The following ZNF618 variants were observed in gnomAD, a reference collection of about 807,000 sequenced individuals.
ZNF618 encodes neural precursor cell expressed, developmentally down-regulated 10.
ZNF618 carries 34 observed loss-of-function variants against 103.0 expected under a neutral mutation model. That is an observed-to-expected ratio of 0.33 (90% CI 0.25 to 0.44). The LOEUF (loss-of-function observed/expected upper bound fraction) is 0.44. ZNF618 is among the 20% of genes least tolerant of loss of function. The pLI is 1.00. For missense variants in ZNF618, 1,059 were observed against 1,295.4 expected, an observed-to-expected ratio of 0.82 and a Z score of 2.80; for synonymous variants, 551 against 542.2, an observed-to-expected ratio of 1.02 and a Z score of -0.23.
Position 114,002,091 on chromosome 9 carries a change from G to C in ZNF618, c.511+18G>C. 2.5e-6 allele frequency: 4 copies of C among 1,609,778 alleles called. No homozygotes were observed. Among genetic ancestry groups the C allele is most frequent in the Non-Finnish European group, 3.4e-6 (4 of 1,178,558 alleles). On this transcript the variant is annotated intron_variant, in intron 5 of 14. Coordinates refer to ENST00000374126, the MANE Select transcript of ZNF618 (RefSeq NM_001318042.2). ...GCACCGAGGTGAGAGGAGTGTCCCT[G>C]GGGCAGAGCCCAGGGGCCGCACCTC...
intron 9 of ZNF618, among the ~76,000 whole-genome samples, chr9:114,014,201 A>G (rs567616406): frequency 6.6e-6 from 1 of 152,368 alleles, no homozygotes; most frequent in Non-Finnish European, 1.5e-5. Context: ...TTGTAAAACC[A>G]AATCAATTAT....
intron 1 of ZNF618, among the ~76,000 whole-genome samples, chr9:113,962,003 C>T (rs866020013): frequency 7.2e-5 from 11 of 152,258 alleles, no homozygotes; most frequent in Non-Finnish European, 1.2e-4. Flanking sequence ...AAGCCACTGG[C>T]GGTGGTATGA....
intron 1 of ZNF618, among the ~76,000 whole-genome samples, chr9:113,916,053 C>T (rs1422840827): frequency 6.8e-6 from 1 of 147,668 alleles, no homozygotes; most frequent in East Asian, 2.0e-4. Context: ...GTGGGCCATT[C>T]TGAGACATGC....
intron 1 of ZNF618, among the ~76,000 whole-genome samples, chr9:113,878,170 TG>T (rs985748884): frequency 5.1e-5 from 5 of 97,926 alleles, no homozygotes; most frequent in Admixed American, 5.0e-4. Context: ...TTGATCATTT[TG>T]GGGGGTTTGT....
At chr9:113,979,839 C>T (rs1390905945) in intron 2 of ZNF618, among the ~76,000 whole-genome samples, 2 of 152,156 alleles carry the variant, frequency 1.3e-5, no homozygotes, top group Non-Finnish European at 2.9e-5. Flanking sequence ...CAGAGTACAC[C>T]GAGTGGGTAA....
At position 114,047,944 on chromosome 9, in the gene ZNF618, T is replaced by C; in HGVS notation, c.1298T>C (p.Val433Ala). Residue 433 changes from valine to alanine, a missense_variant, in exon 14 of 15, where the codon GTT becomes GCT. By Grantham distance (64) the Val-to-Ala change is moderately conservative. Transcript: ENST00000374126. Reference sequence around the variant, plus strand: ...AACCAGTCCCGATCGCCACCTGCTGTTGTAGAAGAGAAGTGGAAACCTCAG... The same window carrying C: ...AACCAGTCCCGATCGCCACCTGCTGCTGTAGAAGAGAAGTGGAAACCTCAG... ...ASNQSRSPPA[V>A]VEEKWKPQAQ... 6.2e-7 allele frequency: 1 copy of C among 1,602,366 alleles called. No homozygotes were observed. Among genetic ancestry groups the C allele is most frequent in the South Asian group, 1.1e-5 (1 of 88,060 alleles).
chr9:113,892,117 T>A (rs994035658), intron 1 of ZNF618, among the ~76,000 whole-genome samples: 9 of 152,078 alleles, frequency 5.9e-5, no homozygotes, highest in African/African-American at 9.7e-5. Context: ...TTTTGTAAAA[T>A]GAAAAAGTTG....
chr9:114,028,997 A>C (rs1165222468), intron 11 of ZNF618, 25 bp downstream of exon 11: 1 of 1,540,912 alleles, frequency 6.5e-7, no homozygotes, highest in African/African-American at 1.4e-5. Context: ...TGTGACCCCC[A>C]CACTTTCTCC....
intron 1 of ZNF618, among the ~76,000 whole-genome samples, chr9:113,941,965 CT>C (rs1346458493): frequency 6.6e-6 from 1 of 152,248 alleles, no homozygotes; most frequent in Non-Finnish European, 1.5e-5. Flanking sequence ...TCCAGACTCA[CT>C]TTCCTCCTCT....
At chr9:113,904,598 CACTT>C (rs1333666148) in intron 1 of ZNF618, among the ~76,000 whole-genome samples, 1 of 152,198 alleles carries the variant, frequency 6.6e-6, no homozygotes, top group Non-Finnish European at 1.5e-5. Context: ...AATTATCACA[CACTT>C]AGTTGCCTAA....
intron 10 of ZNF618, among the ~76,000 whole-genome samples, chr9:114,026,124 T>A (rs1281563566): frequency 6.6e-6 from 1 of 152,138 alleles, no homozygotes; most frequent in Non-Finnish European, 1.5e-5. Flanking sequence ...AAGGAAGAGA[T>A]TTTTAAGTAC....
chr9:114,036,192 G>A (rs578136018), intron 12 of ZNF618, 108 bp from the exon 13 acceptor site: 18 of 1,004,364 alleles, frequency 1.8e-5, no homozygotes, highest in Admixed American at 1.0e-4. Flanking sequence ...CCTGAGCACA[G>A]AGACCCGGTG....
At chr9:113,981,000 T>C (rs1487663060) in intron 2 of ZNF618, among the ~76,000 whole-genome samples, 1 of 152,202 alleles carries the variant, frequency 6.6e-6, no homozygotes, top group Non-Finnish European at 1.5e-5. Flanking sequence ...TGCACTCATA[T>C]AGTCAGTGAG....
intron 1 of ZNF618, among the ~76,000 whole-genome samples, chr9:113,877,763 C>G (rs1828094952): frequency 6.6e-6 from 1 of 151,748 alleles, no homozygotes; most frequent in African/African-American, 2.4e-5. Flanking sequence ...CAGAAAATGT[C>G]AGGAACCTTT....
intron 13 of ZNF618, among the ~76,000 whole-genome samples, chr9:114,046,015 G>A (rs1845617605): frequency 6.6e-6 from 1 of 151,848 alleles, no homozygotes; most frequent in African/African-American, 2.4e-5. Flanking sequence ...CTTAACTTTT[G>A]GAATGTTTAT....
At chr9:113,925,630 A>G (rs776978129) in intron 1 of ZNF618, among the ~76,000 whole-genome samples, 1 of 151,692 alleles carries the variant, frequency 6.6e-6, no homozygotes, top group Admixed American at 6.6e-5. Context: ...GCAGCATTTT[A>G]TATGATTCTA....
intron 3 of ZNF618, among the ~76,000 whole-genome samples, chr9:113,992,448 G>A (rs1367106555): frequency 1.3e-5 from 2 of 152,156 alleles, no homozygotes; most frequent in Non-Finnish European, 2.9e-5. Context: ...GGGGTGGGGT[G>A]CTGGTTAGAG....
rs189477281 is a variant in ZNF618 at position 114,019,356 on chromosome 9, C to A, written c.844+2572C>A. 6.1e-4 allele frequency among the ~76,000 whole-genome samples: 93 copies of A among 152,252 alleles called. 1 individual carries two copies. The highest frequency in any genetic ancestry group is 9.1e-4 in the Non-Finnish European group (62 of 68,022). ...ATGTGTTCATTTCTTTGGATAAATA[C>A]CAAGGAGTAGAATGACTGGGTCATG... On this transcript the variant is annotated intron_variant, in intron 10 of 14. Coordinates refer to ENST00000374126, the MANE Select transcript of ZNF618 (RefSeq NM_001318042.2).
intron 1 of ZNF618, 32 bp from the exon 2 acceptor site, chr9:113,969,085 G>A (rs775667240): frequency 1.2e-6 from 2 of 1,613,808 alleles, no homozygotes; most frequent in East Asian, 4.5e-5. Flanking sequence ...TTCTGCCTTG[G>A]CTGATGTAGG....
Sources: allele counts gnomAD v4.1 joint callset (sites outside exome capture counted in the v4.1 genomes callset), GRCh38; gene constraint gnomAD v4.1.1; transcripts MANE v1.5; gene names NCBI Gene and HGNC (gene_info 2026-07-23, HGNC 2026-07-21).